LRRTM4: variants seen among roughly 807,000 people sequenced by gnomAD.
LRRTM4 encodes the protein leucine-rich repeat transmembrane neuronal protein 4.
A neutral mutation model predicts 47.6 loss-of-function variants in LRRTM4; 25 were observed. That is an observed-to-expected ratio of 0.53 (90% CI 0.38 to 0.73). The LOEUF (loss-of-function observed/expected upper bound fraction) is 0.73, where lower values mean the gene tolerates loss of function less well. Ranked by LOEUF, LRRTM4 falls within the 30% of genes least tolerant of loss-of-function variation. The probability of loss-of-function intolerance (pLI) is 0.00; values close to 1 mark genes in which losing one functional copy is unlikely to be tolerated. For synonymous variants in LRRTM4, 311 were observed against 269.5 expected (o/e 1.15, Z -1.51); for missense variants, 638 against 713.4 (o/e 0.89, Z 1.20).
chr2:76,966,777 T>A (rs1308229187), intron 3 of LRRTM4, among the ~76,000 whole-genome samples: 1 of 151,538 alleles, frequency 6.6e-6, no homozygotes, highest in African/African-American at 2.4e-5. Context: ...TATACAACAT[T>A]GTACAGTGGT....
At chr2:76,792,764 C>G (rs1675044454) in intron 3 of LRRTM4, among the ~76,000 whole-genome samples, 1 of 152,052 alleles carries the variant, frequency 6.6e-6, no homozygotes, top group South Asian at 2.1e-4. Context: ...TAAGGACTTT[C>G]AACTCCTTCT....
intron 3 of LRRTM4, among the ~76,000 whole-genome samples, chr2:77,298,403 A>AT (rs1274414442): frequency 1.3e-5 from 2 of 151,990 alleles, no homozygotes; most frequent in Admixed American, 6.6e-5. Context: ...CGCCCGGCTA[A>AT]TTTTTTGTAT....
chr2:77,430,911 A>G (rs1675348330), intron 3 of LRRTM4, among the ~76,000 whole-genome samples: 1 of 147,760 alleles, frequency 6.8e-6, no homozygotes, highest in South Asian at 2.1e-4. Flanking sequence ...GGCCCAGATA[A>G]AAAAAAAGTC....
At position 76,816,885 on chromosome 2, in the gene LRRTM4, C is replaced by T. The variant is rs570723408; in HGVS notation, c.1552-67969G>A. The stretch of plus-strand genomic sequence containing the variant: ...TTTGGTGCTTAAGAACATGCTTTCT[C>T]ATATAAAAGCCAAATAAGAAAAATA... On this transcript the variant is annotated intron_variant, in intron 3 of 3. Transcript: ENST00000409884. Among the ~76,000 whole-genome samples the T allele has an allele frequency of 5.8e-4, 66 of 113,332 alleles. 1 individual carries two copies. The highest frequency in any genetic ancestry group is 2.0e-3 in the African/African-American group (65 of 31,938). 74.4% of individuals were successfully genotyped at this position (113,332 alleles called of 152,430 possible). A position where few individuals can be genotyped will look rare whatever the true frequency, so the allele number is the denominator to read the frequency against.
At chr2:76,916,466 T>C (rs1674255764) in intron 3 of LRRTM4, among the ~76,000 whole-genome samples, 1 of 151,170 alleles carries the variant, frequency 6.6e-6, no homozygotes, top group African/African-American at 2.4e-5. Context: ...CATCTGATCA[T>C]GTCCATGCTT....
chr2:77,184,485 C>T (rs1482291062), intron 3 of LRRTM4, among the ~76,000 whole-genome samples: 1 of 152,002 alleles, frequency 6.6e-6, no homozygotes, highest in Non-Finnish European at 1.5e-5. Flanking sequence ...ATTGAGTACT[C>T]GATTTTAAAA....
chr2:77,260,379 G>GTGTA (rs1675887614), intron 3 of LRRTM4, among the ~76,000 whole-genome samples: 1 of 124,924 alleles, frequency 8.0e-6, no homozygotes, highest in African/African-American at 4.6e-5. Context: ...AAAATCGTGT[G>GTGTA]TGTGTGTGTG....
chr2:77,367,230 C>T, intron 3 of LRRTM4, among the ~76,000 whole-genome samples: 1 of 151,402 alleles, frequency 6.6e-6, no homozygotes, highest in South Asian at 2.1e-4. Flanking sequence ...GTGAATGCCC[C>T]TCCTGCCCCC....
intron 3 of LRRTM4, among the ~76,000 whole-genome samples, chr2:77,417,250 T>C (rs1440565990): frequency 1.3e-5 from 2 of 152,086 alleles, no homozygotes; most frequent in Non-Finnish European, 2.9e-5. Context: ...CAACAGGTGC[T>C]GGAGAGGATG....
At chr2:76,854,260 T>C (rs1672082958) in intron 3 of LRRTM4, among the ~76,000 whole-genome samples, 1 of 152,138 alleles carries the variant, frequency 6.6e-6, no homozygotes, top group South Asian at 2.1e-4. Context: ...TATGGGCAAA[T>C]GAGGGGTTAG....
At chr2:77,520,324 C>A (rs1409378501) in intron 2 of LRRTM4, among the ~76,000 whole-genome samples, 6 of 152,036 alleles carry the variant, frequency 3.9e-5, no homozygotes, top group African/African-American at 1.4e-4. Flanking sequence ...TGTGATTTGG[C>A]AAAAGAGCTT....
At chr2:76,749,567 A>C (rs1459642132) in intron 3 of LRRTM4, among the ~76,000 whole-genome samples, 1 of 152,174 alleles carries the variant, frequency 6.6e-6, no homozygotes, top group Non-Finnish European at 1.5e-5. Context: ...TCATGGGAGA[A>C]GGCACATCTT....
At chr2:76,771,532 T>G (rs192720504) in intron 3 of LRRTM4, among the ~76,000 whole-genome samples, 1 of 151,654 alleles carries the variant, frequency 6.6e-6, no homozygotes, top group Admixed American at 6.6e-5. Context: ...AGTAGCTGCC[T>G]GGAGGAGCTG....
chr2:77,111,374 G>A (rs947224032), intron 3 of LRRTM4, among the ~76,000 whole-genome samples: 6 of 147,746 alleles, frequency 4.1e-5, no homozygotes, highest in Non-Finnish European at 7.4e-5. Context: ...TGATCCGCCC[G>A]CCTCGGCCTC....
At chr2:77,285,359 T>TATATATATATATATATATATATATAG (rs1676625554) in intron 3 of LRRTM4, among the ~76,000 whole-genome samples, 1 of 143,220 alleles carries the variant, frequency 7.0e-6, no homozygotes. Flanking sequence ...TATATATATA[T>TATATATATATATATATATATATATAG]ATATGGCCAA....
chr2:77,112,943 A>G (rs1231795450), intron 3 of LRRTM4, among the ~76,000 whole-genome samples: 3 of 152,144 alleles, frequency 2.0e-5, no homozygotes, highest in Non-Finnish European at 4.4e-5. Context: ...GAATTTCTTG[A>G]GCATGCTCAT....
chr2:76,769,253 AC>A (rs1673583902), intron 3 of LRRTM4, among the ~76,000 whole-genome samples: 1 of 152,158 alleles, frequency 6.6e-6, no homozygotes, highest in Non-Finnish European at 1.5e-5. Context: ...GACTTAATCT[AC>A]CCTGAAAAAC....
intron 3 of LRRTM4, among the ~76,000 whole-genome samples, chr2:77,509,003 G>A (rs942979796): frequency 7.9e-5 from 12 of 151,918 alleles, no homozygotes; most frequent in African/African-American, 2.2e-4. Flanking sequence ...AGGCCAGGGC[G>A]GGCAGATCAC....
intron 3 of LRRTM4, among the ~76,000 whole-genome samples, chr2:76,795,582 C>A (rs1573117540): frequency 9.9e-6 from 1 of 101,206 alleles, no homozygotes; most frequent in African/African-American, 5.0e-5. Flanking sequence ...TATATATGCA[C>A]ACACACACAT....
Sources: allele counts gnomAD v4.1 joint callset (sites outside exome capture counted in the v4.1 genomes callset), GRCh38; gene constraint gnomAD v4.1.1; transcripts MANE v1.5; gene names NCBI Gene and HGNC (gene_info 2026-07-23, HGNC 2026-07-21).